The following PDE11A variants were observed in gnomAD, a reference collection of about 807,000 sequenced individuals.
PDE11A encodes phosphodiesterase 11A.
In PDE11A, 100 loss-of-function variants were observed where a neutral mutation model predicts 100.5. The observed-to-expected ratio is 1.00, with a 90% CI of 0.85 to 1.18. The LOEUF is 1.18. Ranked by LOEUF, PDE11A falls within the 50% of genes most tolerant of loss-of-function variation. The pLI is 0.00. For missense variants in PDE11A, 1,141 were observed against 1,152.6 expected (o/e 0.99, Z 0.15); for synonymous variants, 381 against 420.8 (o/e 0.91, Z 1.16).
intron 10 of PDE11A, among the ~76,000 whole-genome samples, chr2:177,732,151 G>A (rs916348223): frequency 1.3e-5 from 2 of 151,952 alleles, no homozygotes; most frequent in Non-Finnish European, 2.9e-5. Flanking sequence ...TGTAGATCTC[G>A]TTCTCTTATT....
At chr2:177,762,249 C>G (rs1413543272) in intron 10 of PDE11A, among the ~76,000 whole-genome samples, 4 of 152,100 alleles carry the variant, frequency 2.6e-5, no homozygotes, top group African/African-American at 9.7e-5. Flanking sequence ...GCCAGGAGGT[C>G]GTAGCTCTGT....
chr2:178,096,610 A>G (rs1490325969), intron 2 of PDE11A, among the ~76,000 whole-genome samples: 1 of 152,166 alleles, frequency 6.6e-6, no homozygotes, highest in Non-Finnish European at 1.5e-5. Flanking sequence ...TCGAAGTCCC[A>G]TAGATCTCTA....
At chr2:177,842,590 T>A (rs958764457) in intron 5 of PDE11A, among the ~76,000 whole-genome samples, 4 of 152,130 alleles carry the variant, frequency 2.6e-5, no homozygotes, top group Non-Finnish European at 5.9e-5. Context: ...TAAGATGTGA[T>A]TTTAGAAAGC....
chr2:177,997,557 G>A, intron 2 of PDE11A: 2 of 856,286 alleles, frequency 2.3e-6, no homozygotes, highest in Admixed American at 1.7e-5. Context: ...TCTGTTTTCT[G>A]TTCTTTTCTG....
At chr2:177,722,898 T>C (rs1574079723) in intron 12 of PDE11A, among the ~76,000 whole-genome samples, 1 of 152,140 alleles carries the variant, frequency 6.6e-6, no homozygotes, top group Non-Finnish European at 1.5e-5. Context: ...AAATGATGTT[T>C]GATGATTACA....
intron 2 of PDE11A, among the ~76,000 whole-genome samples, chr2:177,945,975 G>A (rs113631822): frequency 0.13 from 16,230 of 129,504 alleles, 15 homozygotes; most frequent in African/African-American, 0.23. Flanking sequence ...CCCTCAGCCC[G>A]GCCAGCCACC....
At chr2:177,676,557 AG>A (rs11333128) in intron 16 of PDE11A, among the ~76,000 whole-genome samples, 10,922 of 152,294 alleles carry the variant, frequency 0.072, 521 homozygotes, top group Non-Finnish European at 0.11. Flanking sequence ...AAACCCCTCC[AG>A]GGAACAAGGC....
intron 5 of PDE11A, among the ~76,000 whole-genome samples, chr2:177,844,681 T>C (rs1350492010): frequency 6.6e-6 from 1 of 151,524 alleles, no homozygotes; most frequent in African/African-American, 2.4e-5. Flanking sequence ...CAGAGGACCC[T>C]GCGGCCTTCC....
intron 2 of PDE11A, among the ~76,000 whole-genome samples, chr2:177,924,957 C>T (rs1314326837): frequency 2.0e-5 from 3 of 149,236 alleles, no homozygotes; most frequent in Admixed American, 6.7e-5. Context: ...TCAATTCCCA[C>T]CTGTGAGTGA....
At chr2:178,075,778 G>C (rs1307759808), upstream of PDE11A, among the ~76,000 whole-genome samples, 1 of 152,092 alleles carries the variant, frequency 6.6e-6, no homozygotes, top group Non-Finnish European at 1.5e-5. Flanking sequence ...AAGGGTGAAA[G>C]GATGATTCTT....
upstream of PDE11A, among the ~76,000 whole-genome samples, chr2:178,075,930 C>T (rs938429169): frequency 1.3e-4 from 20 of 152,150 alleles, no homozygotes; most frequent in Non-Finnish European, 2.2e-4. Flanking sequence ...AAATATAGCT[C>T]CATATAATTT....
chr2:177,753,531 G>C (rs188607258), intron 10 of PDE11A, among the ~76,000 whole-genome samples: 6 of 151,870 alleles, frequency 4.0e-5, no homozygotes, highest in Admixed American at 3.9e-4. Context: ...GCTTTTTTCT[G>C]AGGAAGAAAA....
chr2:178,060,314 A>G lies in PDE11A; in HGVS notation c.912+11212T>C, dbSNP rs565025328. 1.5e-4 allele frequency among the ~76,000 whole-genome samples: 23 copies of G among 152,330 alleles called. 1 individual carries two copies. The South Asian group carries it at 4.8e-3, about 32-fold the overall frequency. ...GGTTTCTTTAAGTAATGATTAGTACATATATGGAAAAAAAATAAAAGAAAA... is the reference window on the plus strand; with the variant it reads ...GGTTTCTTTAAGTAATGATTAGTACGTATATGGAAAAAAAATAAAAGAAAA... On this transcript the variant is annotated intron_variant, in intron 1 of 19. Transcript: ENST00000286063.
intron 2 of PDE11A, among the ~76,000 whole-genome samples, chr2:177,928,530 A>AG (rs2085162233): frequency 6.6e-6 from 1 of 150,930 alleles, no homozygotes; most frequent in Non-Finnish European, 1.5e-5. Flanking sequence ...AGAGAGAGAG[A>AG]ACTGTAGAAA....
intron 6 of PDE11A, among the ~76,000 whole-genome samples, chr2:177,828,949 G>A (rs1338466247): frequency 1.3e-5 from 2 of 152,132 alleles, no homozygotes; most frequent in Non-Finnish European, 1.5e-5. Flanking sequence ...AGTGGAAGGA[G>A]AGGGACAGTT....
chr2:178,021,729 C>A (rs1431100624), intron 1 of PDE11A, among the ~76,000 whole-genome samples: 1 of 152,100 alleles, frequency 6.6e-6, no homozygotes, highest in Non-Finnish European at 1.5e-5. Flanking sequence ...CAATATCTCC[C>A]AAAGAAAGTG....
At chr2:177,758,564 G>A (rs867293920) in intron 10 of PDE11A, among the ~76,000 whole-genome samples, 17 of 152,320 alleles carry the variant, frequency 1.1e-4, no homozygotes, top group African/African-American at 3.6e-4. Flanking sequence ...GCAAGGAAAT[G>A]AATGCATTGA....
chr2:177,660,102 TCTC>T (rs1559130791), intron 19 of PDE11A, among the ~76,000 whole-genome samples: 20,757 of 94,726 alleles, frequency 0.22, 3,218 homozygotes, highest in South Asian at 0.29. Context: ...TTTCTTTCTC[TCTC>T]TCTCTCTTTC....
At chr2:177,946,313 G>T (rs1167156662) in intron 2 of PDE11A, among the ~76,000 whole-genome samples, 1 of 127,858 alleles carries the variant, frequency 7.8e-6, no homozygotes, top group African/African-American at 3.2e-5. Context: ...CAGCCGCCCC[G>T]TCCGGGAGGG....
Sources: gnomAD v4.1 joint callset for allele counts (sites outside exome capture counted in the v4.1 genomes callset) on GRCh38, gnomAD v4.1.1 for gene constraint, MANE v1.5 for transcripts, NCBI Gene and HGNC (gene_info 2026-07-23, HGNC 2026-07-21) for gene names.